CEP112: variants seen among roughly 807,000 people sequenced by gnomAD.
The protein encoded by CEP112 is centrosomal protein of 112 kDa.
Under a neutral mutation model 153.0 loss-of-function variants are expected in CEP112, and 127 were observed. That is an observed-to-expected ratio of 0.83 (90% CI 0.72 to 0.96). CEP112 has a LOEUF of 0.96. CEP112 is among the 40% of genes least tolerant of loss of function. The pLI, the probability that CEP112 is intolerant of heterozygous loss-of-function variation, is 0.00. For synonymous variants in CEP112, 358 were observed against 374.4 expected (o/e 0.96, Z 0.51); for missense variants, 1,089 against 1,101.2 (o/e 0.99, Z 0.16).
chr17:65,943,049 G>T (rs576015675), intron 18 of CEP112, among the ~76,000 whole-genome samples: 1 of 152,060 alleles, frequency 6.6e-6, no homozygotes, highest in African/African-American at 2.4e-5. Context: ...ATAGGCTTAA[G>T]GTGTAAGAAA....
chr17:66,141,489 T>C (rs2070698012), intron 4 of CEP112, among the ~76,000 whole-genome samples: 1 of 152,152 alleles, frequency 6.6e-6, no homozygotes, highest in Non-Finnish European at 1.5e-5. Flanking sequence ...ATAATCACAG[T>C]GTTGTGCAGC....
intron 23 of CEP112, among the ~76,000 whole-genome samples, chr17:65,738,679 T>C (rs540043344): frequency 6.6e-6 from 1 of 152,328 alleles, no homozygotes; most frequent in Non-Finnish European, 1.5e-5. Flanking sequence ...ATGACATTTC[T>C]ACTACTTCAA....
intron 1 of CEP112, among the ~76,000 whole-genome samples, chr17:66,189,565 C>A (rs1306900190): frequency 6.7e-6 from 1 of 148,748 alleles, no homozygotes; most frequent in African/African-American, 2.5e-5. Context: ...TATTGACATG[C>A]AATATTGAAG....
At chr17:66,048,005 A>C (rs1223625282) in intron 12 of CEP112, among the ~76,000 whole-genome samples, 2 of 152,148 alleles carry the variant, frequency 1.3e-5, no homozygotes, top group Non-Finnish European at 2.9e-5. Context: ...TCATATCCAG[A>C]TTACCTACAA....
At chr17:65,654,534 G>A (rs1042201599) in intron 24 of CEP112, among the ~76,000 whole-genome samples, 17 of 152,292 alleles carry the variant, frequency 1.1e-4, no homozygotes, top group African/African-American at 3.4e-4. Context: ...AGCAGTTGCC[G>A]ACCTCTGTTG....
chr17:65,820,481 G>C (rs927374591), intron 21 of CEP112, among the ~76,000 whole-genome samples: 3 of 152,204 alleles, frequency 2.0e-5, no homozygotes, highest in East Asian at 3.9e-4. Flanking sequence ...TAAATATACA[G>C]TAAATGCTTG....
At chr17:65,832,470 G>C (rs1311443592) in intron 21 of CEP112, among the ~76,000 whole-genome samples, 1 of 142,934 alleles carries the variant, frequency 7.0e-6, no homozygotes, top group East Asian at 2.0e-4. Flanking sequence ...AACTAATAAA[G>C]AAGAAAGAGA....
At chr17:65,935,175 A>G (rs1599063681) in intron 18 of CEP112, among the ~76,000 whole-genome samples, 1 of 152,232 alleles carries the variant, frequency 6.6e-6, no homozygotes, top group South Asian at 2.1e-4. Context: ...TGAGAAACAG[A>G]AGGTCATCAT....
intron 20 of CEP112, among the ~76,000 whole-genome samples, chr17:65,887,555 G>C (rs187640941): frequency 5.3e-4 from 80 of 152,284 alleles, no homozygotes; most frequent in Admixed American, 4.0e-3. Flanking sequence ...GCATACACCT[G>C]TTTGTGTCTG....
chr17:66,087,120 A>C (rs776420139), intron 8 of CEP112, among the ~76,000 whole-genome samples: 4 of 152,250 alleles, frequency 2.6e-5, no homozygotes, highest in Admixed American at 6.5e-5. Flanking sequence ...TGATGCCTCA[A>C]ATATTTTTAT....
At chr17:66,066,225 C>T (rs970536529) in intron 10 of CEP112, among the ~76,000 whole-genome samples, 2 of 152,154 alleles carry the variant, frequency 1.3e-5, no homozygotes, top group African/African-American at 2.4e-5. Context: ...TCCATCTGTC[C>T]ATAGTCAACT....
At chr17:65,938,415 A>G (rs36028174) in intron 18 of CEP112, among the ~76,000 whole-genome samples, 1 of 133,136 alleles carries the variant, frequency 7.5e-6, no homozygotes, top group Non-Finnish European at 1.6e-5. Flanking sequence ...AATGATCAAT[A>G]AAAAAAAAAA....
rs1203303804 is a variant in CEP112 at position 65,998,714 on chromosome 17, G to A, written c.1736+6976C>T. 2.0e-5 allele frequency among the ~76,000 whole-genome samples: 3 copies of A among 151,866 alleles called. No individual in the cohort carries two copies. In the East Asian group the frequency reaches 5.8e-4, roughly 29 times the overall value. On this transcript the variant is annotated intron_variant, in intron 17 of 26. Transcript: ENST00000535342. ...ATATATAACAGACACTATTCTAAAT[G>A]CTTTATATTAACTCTTCTAAGCCTC...
intron 20 of CEP112, among the ~76,000 whole-genome samples, chr17:65,888,933 A>T (rs1019226617): frequency 2.0e-5 from 3 of 152,126 alleles, no homozygotes; most frequent in Admixed American, 6.6e-5. Context: ...GGCCCAGGCA[A>T]AACCTATTCC....
chr17:66,027,166 C>A (rs573747241), intron 16 of CEP112, among the ~76,000 whole-genome samples: 18 of 152,246 alleles, frequency 1.2e-4, no homozygotes, highest in African/African-American at 4.3e-4. Flanking sequence ...CACTTGAGGC[C>A]AGGAATTCCA....
chr17:66,165,556 G>A (rs1012571929), intron 4 of CEP112, among the ~76,000 whole-genome samples: 7 of 152,218 alleles, frequency 4.6e-5, no homozygotes, highest in African/African-American at 1.4e-4. Context: ...TTCAGGAGGA[G>A]CAATTTATAA....
intron 21 of CEP112, among the ~76,000 whole-genome samples, chr17:65,781,962 TAA>T (rs1429584629): frequency 1.3e-5 from 2 of 152,134 alleles, no homozygotes; most frequent in African/African-American, 4.8e-5. Flanking sequence ...AATTTATGAA[TAA>T]GTCTTCAAAA....
At chr17:66,153,889 G>A (rs940491274) in intron 4 of CEP112, among the ~76,000 whole-genome samples, 1 of 152,050 alleles carries the variant, frequency 6.6e-6, no homozygotes, top group South Asian at 2.1e-4. Context: ...AGGGCCGGGT[G>A]TGGTGGCTCA....
At chr17:65,706,330 T>C (rs920118707) in intron 23 of CEP112, among the ~76,000 whole-genome samples, 1 of 152,040 alleles carries the variant, frequency 6.6e-6, no homozygotes, top group African/African-American at 2.4e-5. Flanking sequence ...ACAAGGAAAA[T>C]GGGGGTGTGC....
Sources: gnomAD v4.1 joint callset for allele counts (sites outside exome capture counted in the v4.1 genomes callset) on GRCh38, gnomAD v4.1.1 for gene constraint, MANE v1.5 for transcripts, NCBI Gene and HGNC (gene_info 2026-07-23, HGNC 2026-07-21) for gene names.